Variants in ADAMTS19 observed in about 807,000 individuals in gnomAD.
ADAMTS19 encodes the protein ADAM metallopeptidase with thrombospondin type 1 motif 19, also known as A disintegrin and metalloproteinase with thrombospondin motifs 19.
ADAMTS19 carries 93 observed loss-of-function variants against 153.3 expected under a neutral mutation model. The observed-to-expected ratio is 0.61, with a 90% CI of 0.51 to 0.72. The LOEUF (loss-of-function observed/expected upper bound fraction) is 0.72. Among genes scored for constraint, ADAMTS19 ranks in the 30% least tolerant of loss-of-function variants. The probability of loss-of-function intolerance (pLI) is 0.00; values close to 1 mark genes in which losing one functional copy is unlikely to be tolerated. For missense variants in ADAMTS19, 1,482 were observed against 1,552.1 expected, an observed-to-expected ratio of 0.95 and a Z score of 0.76; for synonymous variants, 600 against 556.6, an observed-to-expected ratio of 1.08 and a Z score of -1.10.
chr5:129,714,367 C>T lies in ADAMTS19; in HGVS notation c.3312+9976C>T, dbSNP rs1368696472. On this transcript the variant is annotated intron_variant, in intron 21 of 22. Transcript: ENST00000274487. ...CCGGGAAGCGGAGCTTGCAGTGAGC[C>T]GAGATTGCGCCACTGCAGTCCGCAG... Among the ~76,000 whole-genome samples, 7 of 138,704 alleles carry T rather than the reference C, an allele frequency of 5.0e-5. No individual in the cohort carries two copies. In the South Asian group the frequency reaches 1.3e-3, roughly 26 times the overall value. The allele number at this position is 138,704 out of a possible 152,430, so 91.0% of individuals were successfully genotyped here.
chr5:129,531,910 A>G (rs1358732527), intron 6 of ADAMTS19, among the ~76,000 whole-genome samples: 1 of 152,194 alleles, frequency 6.6e-6, no homozygotes, highest in Non-Finnish European at 1.5e-5. Flanking sequence ...AAAATAATCT[A>G]TTCAGCAGAT....
chr5:129,504,884 C>T (rs1022590848), intron 2 of ADAMTS19, among the ~76,000 whole-genome samples: 1 of 150,990 alleles, frequency 6.6e-6, no homozygotes, highest in East Asian at 1.9e-4. Flanking sequence ...CACACACACA[C>T]ACACACACAC....
intron 21 of ADAMTS19, among the ~76,000 whole-genome samples, chr5:129,723,903 G>A (rs1757103826): frequency 6.6e-6 from 1 of 152,144 alleles, no homozygotes; most frequent in African/African-American, 2.4e-5. Flanking sequence ...AACTTGAAGA[G>A]GGGGCTACCA....
At chr5:129,615,888 T>C (rs1279856637) in intron 8 of ADAMTS19, among the ~76,000 whole-genome samples, 1 of 151,986 alleles carries the variant, frequency 6.6e-6, no homozygotes, top group Non-Finnish European at 1.5e-5. Flanking sequence ...TAATACACTC[T>C]TTGAATGTAG....
At chr5:129,735,954 A>G (rs902993200) in intron 22 of ADAMTS19, among the ~76,000 whole-genome samples, 12 of 152,038 alleles carry the variant, frequency 7.9e-5, no homozygotes, top group Admixed American at 4.6e-4. Flanking sequence ...ATATTACCAA[A>G]ATGTAAGAAG....
chr5:129,592,238 G>A (rs1313281765), intron 7 of ADAMTS19, among the ~76,000 whole-genome samples: 1 of 151,928 alleles, frequency 6.6e-6, no homozygotes, highest in Non-Finnish European at 1.5e-5. Flanking sequence ...AAATTAGCCG[G>A]GTATGGTGGC....
intron 19 of ADAMTS19, among the ~76,000 whole-genome samples, chr5:129,697,445 C>T (rs1385133323): frequency 6.6e-6 from 1 of 152,134 alleles, no homozygotes. Flanking sequence ...AACAGTCCTA[C>T]CCCAGGCAAA....
Position 129,684,289 on chromosome 5 carries a change from A to T in ADAMTS19, c.2818+16A>T. The T allele has an allele frequency of 1.2e-6, 2 of 1,612,444 alleles. No individual in the cohort carries two copies. The highest frequency in any genetic ancestry group is 1.7e-6 in the Non-Finnish European group (2 of 1,179,362). On this transcript the variant is annotated intron_variant, in intron 18 of 22. Coordinates refer to ENST00000274487, the MANE Select transcript of ADAMTS19 (RefSeq NM_133638.6). ...TGTGGAGGAGGTGAAGGATTTTTAA[A>T]CATTTATCTTTCCAAAACATCAGTT... is the stretch of plus-strand genomic sequence containing the variant.
intron 8 of ADAMTS19, among the ~76,000 whole-genome samples, chr5:129,609,753 A>G (rs1464175389): frequency 6.6e-6 from 1 of 152,160 alleles, no homozygotes; most frequent in East Asian, 1.9e-4. Context: ...TTAGTGGAAG[A>G]CGGAAAAAAA....
chr5:129,491,276 A>C (rs1223865930), intron 2 of ADAMTS19, among the ~76,000 whole-genome samples: 1 of 152,170 alleles, frequency 6.6e-6, no homozygotes, highest in Non-Finnish European at 1.5e-5. Flanking sequence ...TGCTGAGATT[A>C]CAGGCGTGAG....
In ADAMTS19 at chr5:129,701,547, G is replaced by A. The variant is rs1178196498; in HGVS notation, c.3114G>A (p.Glu1038=). The change falls in exon 20 of 23, where the codon GAG becomes GAA. Residue 1038 remains glutamate (E), a synonymous_variant. Coordinates refer to ENST00000274487, the MANE Select transcript of ADAMTS19 (RefSeq NM_133638.6). The part of the protein sequence containing the change: ...GPKPASAQRC[E]GQDCMTVWEA... ...AGCCCGCCTCTGCCCAGCGCTGTGA[G>A]GGCCAGGACTGCATGACCGTGTGGG... is the stretch of plus-strand genomic sequence containing the variant. The A allele has an allele frequency of 6.2e-7, 1 of 1,614,210 alleles. No individual in the cohort carries two copies. Among genetic ancestry groups the A allele is most frequent in the East Asian group, 2.2e-5 (1 of 44,876 alleles).
Position 129,701,550 on chromosome 5 carries a change from C to T in ADAMTS19, c.3117C>T (p.Gly1039=), listed in dbSNP as rs1755853366. The T allele has an allele frequency of 2.5e-6, 4 of 1,614,180 alleles. No homozygotes were observed. The highest frequency in any genetic ancestry group is 2.5e-6 in the Non-Finnish European group (3 of 1,180,032). The change falls in exon 20 of 23, where the codon GGC becomes GGT. Residue 1039 remains glycine, a synonymous_variant. Coordinates refer to ENST00000274487, the MANE Select transcript of ADAMTS19 (RefSeq NM_133638.6). ...CCGCCTCTGCCCAGCGCTGTGAGGG[C>T]CAGGACTGCATGACCGTGTGGGAGG... ...PKPASAQRCE[G]QDCMTVWEAG... is the part of the protein sequence containing the mutation.
chr5:129,681,526 T>C (rs775615296), intron 17 of ADAMTS19, among the ~76,000 whole-genome samples: 1 of 152,144 alleles, frequency 6.6e-6, no homozygotes, highest in African/African-American at 2.4e-5. Flanking sequence ...GTGTAATATA[T>C]ATTATTATTA....
chr5:129,522,527 C>T lies in ADAMTS19; in HGVS notation c.914-3757C>T, dbSNP rs139921393. Among the ~76,000 whole-genome samples, 743 of 151,272 alleles carry T rather than the reference C, an allele frequency of 4.9e-3. 4 individuals are homozygous for T. Among genetic ancestry groups the T allele is most frequent in the Non-Finnish European group, 6.8e-3 (458 of 67,802 alleles). Reference sequence around the variant, plus strand: ...TAAGGAATATTTGCATTAATTGTTACAACACTTCAGTTAACTTTGTTAACT... The same window carrying T: ...TAAGGAATATTTGCATTAATTGTTATAACACTTCAGTTAACTTTGTTAACT... On this transcript the variant is annotated intron_variant, in intron 3 of 22. Coordinates refer to ENST00000274487, the MANE Select transcript of ADAMTS19 (RefSeq NM_133638.6).
At position 129,601,858 on chromosome 5, in the gene ADAMTS19, TC is replaced by T. The variant is rs368794374; in HGVS notation, c.1478+5196del. Among the ~76,000 whole-genome samples the T allele has an allele frequency of 3.8e-3, 575 of 152,254 alleles. 5 individuals are homozygous for T. Among genetic ancestry groups the T allele is most frequent in the African/African-American group, 0.013 (551 of 41,556 alleles). On this transcript the variant is annotated intron_variant, in intron 8 of 22. Transcript: ENST00000274487. ...GGCAAACCTTCAAGTCTCCATTCCC[TC>T]CTGAGGTTAACCTGGCCCTAGTCCC...
chr5:129,540,477 C>T (rs192122809), intron 6 of ADAMTS19, among the ~76,000 whole-genome samples: 50 of 152,144 alleles, frequency 3.3e-4, no homozygotes, highest in African/African-American at 1.2e-3. Context: ...AGGCATATAT[C>T]TTTATGCCCT....
At chr5:129,608,114 G>A (rs868798185) in intron 8 of ADAMTS19, among the ~76,000 whole-genome samples, 376 of 28,614 alleles carry the variant, frequency 0.013, 3 homozygotes, top group Middle Eastern at 0.027. Context: ...GTGTGTGTGT[G>A]TGTATATATA....
intron 2 of ADAMTS19, among the ~76,000 whole-genome samples, chr5:129,466,833 T>C (rs1259698430): frequency 6.6e-6 from 1 of 152,190 alleles, no homozygotes; most frequent in African/African-American, 2.4e-5. Context: ...TAAGTGGTGT[T>C]CTGGATGATC....
chr5:129,654,344 GAAC>G lies in ADAMTS19; in HGVS notation c.2217_2219del (p.Gln740del). The G allele has an allele frequency of 1.2e-6, 2 of 1,612,528 alleles. No homozygotes were observed. The highest frequency in any genetic ancestry group is 1.7e-6 in the Non-Finnish European group (2 of 1,179,564). On this transcript the variant is annotated inframe_deletion, in exon 14 of 23. Transcript: ENST00000274487. ...CTTGTTTTGCTCTCCTGTTGGAAAA[GAAC>G]AGCCTATTCTTCTATCAGAAAAAGT...
Sources: allele counts gnomAD v4.1 joint callset (sites outside exome capture counted in the v4.1 genomes callset), GRCh38; gene constraint gnomAD v4.1.1; transcripts MANE v1.5; gene names NCBI Gene and HGNC (gene_info 2026-07-23, HGNC 2026-07-21).